The following STOX2 variants were observed in gnomAD, a reference collection of about 807,000 sequenced individuals.
STOX2 encodes storkhead box 2.
In STOX2, 28 loss-of-function variants were observed where a neutral mutation model predicts 60.9. That is an observed-to-expected ratio of 0.46 (90% CI 0.34 to 0.63). The LOEUF is 0.63. Among genes scored for constraint, STOX2 ranks in the 30% least tolerant of loss-of-function variants. STOX2 has a pLI of 0.01. For missense variants in STOX2, 1,024 were observed against 1,187.7 expected (o/e 0.86, Z 2.03); for synonymous variants, 472 against 463.9 (o/e 1.02, Z -0.22).
intron 1 of STOX2, 31 bp downstream of exon 1, chr4:183,906,987 G>A: frequency 1.3e-6 from 2 of 1,498,490 alleles, no homozygotes; most frequent in Non-Finnish European, 9.0e-7. Flanking sequence ...CTGCCCCCGG[G>A]CCGGGGCCGC....
intron 1 of STOX2, among the ~76,000 whole-genome samples, chr4:183,809,834 TA>T (rs1269860161): frequency 6.6e-6 from 1 of 152,262 alleles, no homozygotes; most frequent in African/African-American, 2.4e-5. Context: ...TCTTTTCCTT[TA>T]GTACACTTAT....
In STOX2 at chr4:184,011,574, A is replaced by G; in HGVS notation, c.2585+151A>G. 1 of 1,542,418 alleles carries G rather than the reference A, an allele frequency of 6.5e-7. No individual in the cohort carries two copies. The stretch of plus-strand genomic sequence containing the variant: ...TTGTATTGTTAACAATCTGTTTCTG[A>G]CTTCTTTTTCAGGAATTGAAAAAAA... On this transcript the variant is annotated intron_variant, in intron 3 of 3. Transcript: ENST00000308497. This position sits in a 1 kb window ranked among gnomAD's most constrained non-coding sequence, Gnocchi z 4.4.
At chr4:184,016,376 A>G (rs1362091741) in intron 3 of STOX2, 2 of 152,452 alleles carry the variant, frequency 1.3e-5, no homozygotes, top group East Asian at 3.8e-4. Context: ...ACAAAACAAA[A>G]CAAAACAAAA....
rs551307575 is a variant in STOX2 at position 183,919,274 on chromosome 4, T to C, written c.166+12318T>C. Among the ~76,000 whole-genome samples, 197 of 152,350 alleles carry C rather than the reference T, an allele frequency of 1.3e-3. 6 individuals carry two copies. The South Asian group carries it at 0.04, about 31-fold the overall frequency. ...CGTAGTGAATAGTAGTGTACCATCC[T>C]GGCCTAAGGGCCAGAAGTGGAGGTT... On this transcript the variant is annotated intron_variant, in intron 1 of 3. Coordinates refer to ENST00000308497, the MANE Select transcript of STOX2 (RefSeq NM_020225.3).
At chr4:184,013,121 C>T (rs1254061560) in intron 3 of STOX2, among the ~76,000 whole-genome samples, 1 of 152,192 alleles carries the variant, frequency 6.6e-6, no homozygotes, top group Admixed American at 6.5e-5. Flanking sequence ...CTCTGGGCCC[C>T]TGGGCTTCCA....
At chr4:183,816,241 G>A (rs181281993) in intron 1 of STOX2, among the ~76,000 whole-genome samples, 66 of 152,272 alleles carry the variant, frequency 4.3e-4, no homozygotes, top group African/African-American at 5.8e-4. Context: ...AAATGGTGAC[G>A]TCAATAGCAA....
intron 1 of STOX2, among the ~76,000 whole-genome samples, chr4:183,965,659 G>T (rs975520454): frequency 4.6e-5 from 7 of 152,110 alleles, no homozygotes; most frequent in African/African-American, 1.7e-4. Flanking sequence ...TGGAAAAGGG[G>T]TAAGAGAGGA....
At chr4:183,808,265 C>A (rs1218350199) in intron 1 of STOX2, among the ~76,000 whole-genome samples, 1 of 152,202 alleles carries the variant, frequency 6.6e-6, no homozygotes, top group Non-Finnish European at 1.5e-5. Context: ...ACAGCGCCAC[C>A]ATTCATTCCA....
chr4:183,910,763 G>A lies in STOX2; in HGVS notation c.166+3807G>A, dbSNP rs1255964784. ...TTAATACTACGGTTTTAAAGCCTTT[G>A]AAAAGAAAGATAAAACAAAAGCCCT... On this transcript the variant is annotated intron_variant, in intron 1 of 3. Transcript: ENST00000308497. 3.9e-5 allele frequency among the ~76,000 whole-genome samples: 6 copies of A among 152,256 alleles called. No homozygotes were observed. In the East Asian group the frequency reaches 9.6e-4, roughly 24 times the overall value.
chr4:183,916,209 G>A (rs1331681136), intron 1 of STOX2, among the ~76,000 whole-genome samples: 1 of 152,234 alleles, frequency 6.6e-6, no homozygotes, highest in African/African-American at 2.4e-5. Flanking sequence ...GGTGCCCCAT[G>A]TGCCTTGCTA....
At chr4:183,928,432 T>C (rs912384730) in intron 1 of STOX2, among the ~76,000 whole-genome samples, 1 of 152,206 alleles carries the variant, frequency 6.6e-6, no homozygotes, top group Non-Finnish European at 1.5e-5. Context: ...CCCTTCAAGA[T>C]TCTTGAGAAA....
intron 1 of STOX2, among the ~76,000 whole-genome samples, chr4:183,943,702 C>T (rs1384810321): frequency 2.6e-5 from 4 of 152,154 alleles, no homozygotes; most frequent in African/African-American, 9.7e-5. Flanking sequence ...TACAGTGAAA[C>T]CCCGTCTCTA....
chr4:183,929,511 G>A (rs185296161), intron 1 of STOX2, among the ~76,000 whole-genome samples: 248 of 152,232 alleles, frequency 1.6e-3, no homozygotes, highest in Non-Finnish European at 3.1e-3. Context: ...AACAATAACC[G>A]ATTGATTATT....
chr4:183,916,223 G>A (rs182241110), intron 1 of STOX2, among the ~76,000 whole-genome samples: 129 of 152,334 alleles, frequency 8.5e-4, no homozygotes, highest in Non-Finnish European at 1.5e-3. Flanking sequence ...CTTGCTAGTG[G>A]TGCCAGCTGT....
chr4:183,972,105 A>G (rs1009050411), intron 1 of STOX2, among the ~76,000 whole-genome samples: 3 of 152,114 alleles, frequency 2.0e-5, no homozygotes, highest in Non-Finnish European at 4.4e-5. Flanking sequence ...TCCCTTCCCA[A>G]CCCATAGCCA....
chr4:183,903,847 G>A (rs866974889), upstream of STOX2, among the ~76,000 whole-genome samples: 3 of 152,226 alleles, frequency 2.0e-5, no homozygotes, highest in Non-Finnish European at 4.4e-5. Context: ...GGACTGGGGT[G>A]GGGGTAGGGT....
In STOX2 at chr4:183,856,236, C is replaced by G. The variant is rs1477397422; in HGVS notation, c.364+58181C>G. Among the ~76,000 whole-genome samples the G allele has an allele frequency of 6.6e-6, 1 of 152,052 alleles. No individual in the cohort carries two copies. Among genetic ancestry groups the G allele is most frequent in the Admixed American group, 6.6e-5 (1 of 15,258 alleles). On this transcript the variant is annotated intron_variant, in intron 1 of 2. Transcript: ENST00000513034. This position sits in a 1 kb window ranked among gnomAD's most constrained non-coding sequence, Gnocchi z 4.0. ...CAAGAGTCCAGAAAGGCTCACGGCC[C>G]CTTTCACACATGTCGACATTACTCC...
At chr4:183,880,684 A>G (rs1184683806) in intron 1 of STOX2, among the ~76,000 whole-genome samples, 18 of 152,254 alleles carry the variant, frequency 1.2e-4, no homozygotes, top group Admixed American at 1.2e-3. Context: ...AGAGAAAAAG[A>G]TGGAGCCAGC....
chr4:183,846,813 T>C (rs1740001135), intron 1 of STOX2, among the ~76,000 whole-genome samples: 1 of 152,224 alleles, frequency 6.6e-6, no homozygotes, highest in African/African-American at 2.4e-5. Flanking sequence ...TGGGTCATAC[T>C]TTCTTGCATG....
Sources: gnomAD v4.1 joint callset for allele counts (sites outside exome capture counted in the v4.1 genomes callset) on GRCh38, gnomAD v4.1.1 for gene constraint, Gnocchi (gnomAD v3.1) non-coding constraint, MANE v1.5 for transcripts, NCBI Gene and HGNC (gene_info 2026-07-23, HGNC 2026-07-21) for gene names.